The following FAM186A variants were observed in gnomAD, a reference collection of about 807,000 sequenced individuals.
FAM186A encodes family with sequence similarity 186 member A.
In FAM186A, 163 loss-of-function variants were observed where a neutral mutation model predicts 216.8. That is an observed-to-expected ratio of 0.75 (90% CI 0.66 to 0.86). The LOEUF is 0.86. FAM186A is among the 40% of genes least tolerant of loss of function. The pLI is 0.00. For synonymous variants in FAM186A, 805 were observed against 1,025.3 expected, an observed-to-expected ratio of 0.79 and a Z score of 4.10; for missense variants, 2,184 against 2,746.2, an observed-to-expected ratio of 0.80 and a Z score of 4.58.
chr12:50,370,320 C>A (rs1000681652), intron 1 of FAM186A, among the ~76,000 whole-genome samples: 1 of 151,280 alleles, frequency 6.6e-6, no homozygotes, highest in African/African-American at 2.4e-5. Flanking sequence ...AAAACAAAAA[C>A]AAAAACCCAA....
chr12:50,382,906 T>C (rs1943266095), intron 1 of FAM186A, among the ~76,000 whole-genome samples: 1 of 152,036 alleles, frequency 6.6e-6, no homozygotes, highest in Admixed American at 6.6e-5. Context: ...CCCTTTCTTT[T>C]AAGACTGCTG....
chr12:50,347,478 C>G lies in FAM186A; in HGVS notation c.6503+2851G>C, dbSNP rs376394816. Reference sequence around the variant, plus strand: ...GGGCGCGGTGGCTCACACCTGTAATCCCAGCACTTTGGGAGGCTGAGGCAG... The same window carrying G: ...GGGCGCGGTGGCTCACACCTGTAATGCCAGCACTTTGGGAGGCTGAGGCAG... On this transcript the variant is annotated intron_variant, in intron 4 of 7. Coordinates refer to ENST00000327337, the MANE Select transcript of FAM186A (RefSeq NM_001145475.3). 6.6e-5 allele frequency among the ~76,000 whole-genome samples: 10 copies of G among 152,108 alleles called. No homozygotes were observed. In the East Asian group the frequency reaches 1.9e-3, roughly 29 times the overall value.
chr12:50,345,570 A>G (rs1942803792), intron 4 of FAM186A, among the ~76,000 whole-genome samples: 1 of 152,184 alleles, frequency 6.6e-6, no homozygotes, highest in Non-Finnish European at 1.5e-5. Flanking sequence ...GCATATGGCC[A>G]GCCAGCTGTC....
chr12:50,386,004 C>T (rs1296960138), intron 1 of FAM186A, among the ~76,000 whole-genome samples: 2 of 151,918 alleles, frequency 1.3e-5, no homozygotes, highest in East Asian at 3.9e-4. Flanking sequence ...TCAAAGGATA[C>T]AATTTTTCAG....
At chr12:50,357,812 C>T (rs2136095382) in intron 3 of FAM186A, among the ~76,000 whole-genome samples, 1 of 152,238 alleles carries the variant, frequency 6.6e-6, no homozygotes, top group Admixed American at 6.5e-5. Context: ...GACAACTCTA[C>T]TGCCTACAGG....
Position 50,350,952 on chromosome 12 carries a change from AG to A in FAM186A, c.5879del (p.Ser1960PhefsTer3). On this transcript the variant is annotated frameshift_variant, in exon 4 of 8. Coordinates refer to ENST00000327337, the MANE Select transcript of FAM186A (RefSeq NM_001145475.3). LOFTEE classifies it high-confidence loss of function. ...TCAATACTGATTTAGATTTCAGAGA[AG>A]AAATAATTGCCAATCTTTTCTTAGC... is the stretch of plus-strand genomic sequence containing the variant. ...SVAKKRLAIISSLKSKSVLIH... is the reference protein window; with the variant it reads ...SVAKKRLAIIXSLKSKSVLIH... 6.4e-7 allele frequency: 1 copy of A among 1,551,446 alleles called. No individual in the cohort carries two copies. Among genetic ancestry groups the A allele is most frequent in the Non-Finnish European group, 8.7e-7 (1 of 1,146,918 alleles).
rs1225696524 is a variant in FAM186A at position 50,352,853 on chromosome 12, G to C, written c.3979C>G (p.Leu1327Val). ...PQQAQALGIP[L>V]TPQQAQTQEI... is the part of the protein sequence containing the mutation. ...TGAGTCTGCGCCTGCTGAGGGGTGA[G>C]AGGGATCCCCAGGGCCTGCGCCTGC... Residue 1327 changes from leucine to valine, a missense_variant, in exon 4 of 8, where the codon CTC becomes GTC. Around this residue, in one of 7 missense-constraint regions of FAM186A, gnomAD observed 267 missense variants for 446.2 expected, o/e 0.60. Coordinates refer to ENST00000327337, the MANE Select transcript of FAM186A (RefSeq NM_001145475.3). The C allele has an allele frequency of 7.1e-6, 11 of 1,544,290 alleles. No homozygotes were observed. Among genetic ancestry groups the C allele is most frequent in the Admixed American group, 2.0e-5 (1 of 50,138 alleles).
At chr12:50,372,994 G>GGAAGGAAAGAAAGAAA (rs1491450637) in intron 1 of FAM186A, among the ~76,000 whole-genome samples, 4 of 59,524 alleles carry the variant, frequency 6.7e-5, no homozygotes, top group African/African-American at 2.0e-4. Flanking sequence ...AAGGAAGGAA[G>GGAAGGAAAGAAAGAAA]GAATGAAAGA....
chr12:50,367,633 A>T (rs1445708501), intron 1 of FAM186A, among the ~76,000 whole-genome samples: 1 of 152,138 alleles, frequency 6.6e-6, no homozygotes, highest in Non-Finnish European at 1.5e-5. Context: ...CTACATATGT[A>T]GAAAACTCTA....
In FAM186A at chr12:50,353,569, G is replaced by A. The variant is rs1215200097; in HGVS notation, c.3263C>T (p.Thr1088Ile). Residue 1088 changes from threonine (T) to isoleucine (I), a missense_variant, in exon 4 of 8, where the codon ACT (threonine) becomes ATT (isoleucine). Around this residue, in one of 7 missense-constraint regions of FAM186A, gnomAD observed 1,132 missense variants for 1,263.4 expected, o/e 0.90. Coordinates refer to ENST00000327337, the MANE Select transcript of FAM186A (RefSeq NM_001145475.3). The stretch of plus-strand genomic sequence containing the variant: ...CCCCTGAGCCTGGGCCTGCTGAGGA[G>A]TGAGTGTGATCCCCACTTCCTGGGC... ...QQAQEVGITLTPQQAQAQGIT... is the reference protein window; with the variant it reads ...QQAQEVGITLIPQQAQAQGIT... 6.5e-7 allele frequency: 1 copy of A among 1,528,688 alleles called. No individual in the cohort carries two copies. The allele number at this position is 1,528,688 out of a possible 1,614,324, so 94.7% of individuals were successfully genotyped here.
intron 4 of FAM186A, among the ~76,000 whole-genome samples, chr12:50,337,257 C>G (rs567977708): frequency 8.2e-6 from 1 of 122,436 alleles, no homozygotes; most frequent in African/African-American, 3.1e-5. Context: ...AACTTAGGGA[C>G]TTTATTGTTG....
rs1321929417 is a variant in FAM186A, at chr12:50,331,752, C to T, written c.6766G>A (p.Ala2256Thr). 1.9e-6 allele frequency: 3 copies of T among 1,549,868 alleles called. No individual in the cohort carries two copies. In the South Asian group the frequency reaches 3.6e-5, roughly 19 times the overall value. Residue 2256 changes from alanine to threonine, a missense_variant, in exon 6 of 8, where the codon GCC becomes ACC. Coordinates refer to ENST00000327337, the MANE Select transcript of FAM186A (RefSeq NM_001145475.3). The stretch of plus-strand genomic sequence containing the variant: ...GGCTTTTGAACAAATGTGGTAGAGG[C>T]AGGTATCTGCTTTTCTTCGATGATT... Reference protein sequence around the residue: ...PLIIEEKQIPASTTFVQKPFL... With the variant: ...PLIIEEKQIPTSTTFVQKPFL...
intron 4 of FAM186A, among the ~76,000 whole-genome samples, chr12:50,349,901 C>G (rs138285047): frequency 1.4e-4 from 22 of 152,232 alleles, no homozygotes; most frequent in African/African-American, 5.1e-4. Context: ...ATCCACCTGC[C>G]TCAGCCTCCC....
At chr12:50,347,712 G>A (rs547344820) in intron 4 of FAM186A, among the ~76,000 whole-genome samples, 2 of 151,940 alleles carry the variant, frequency 1.3e-5, no homozygotes, top group South Asian at 4.2e-4. Flanking sequence ...ATAATAGGTT[G>A]GTAACTTCAA....
chr12:50,329,628 C>T (rs1381226894), intron 7 of FAM186A, among the ~76,000 whole-genome samples: 1 of 148,806 alleles, frequency 6.7e-6, no homozygotes, highest in Admixed American at 6.7e-5. Context: ...GACAGAGTCT[C>T]ACTCTATTGC....
In FAM186A at chr12:50,330,616, C is replaced by G; in HGVS notation, c.6991G>C (p.Val2331Leu). 6.4e-7 allele frequency: 1 copy of G among 1,550,842 alleles called. No homozygotes were observed. The highest frequency in any genetic ancestry group is 8.7e-7 in the Non-Finnish European group (1 of 1,146,630). ...AGAGATTTTCGGAAGGTAGACTGCA[C>G]TTCTAACTGAAGCAGCCTGGGAATA... is the stretch of plus-strand genomic sequence containing the variant. ...PDIPRLLQLE[V>L]QSTFRKSLAS... The change falls in exon 7 of 8, where the codon GTG (valine) becomes CTG (leucine). Residue 2331 changes from valine (V) to leucine (L), a missense_variant. Physicochemically the swap from Val to Leu is conservative, Grantham distance 32. Coordinates refer to ENST00000327337, the MANE Select transcript of FAM186A (RefSeq NM_001145475.3).
chr12:50,351,573 G>A lies in FAM186A; in HGVS notation c.5259C>T (p.Phe1753=), dbSNP rs779661116. ...TCTGCAAAGGAGTAGAAGAGACCCC[G>A]AATATAGAGGACTTCTCAGCAGTAG... ...SAPTAEKSSI[F]GVSSTPLQIS... The change falls in exon 4 of 8, where the codon TTC becomes TTT. Residue 1753 remains phenylalanine (F), a synonymous_variant. Coordinates refer to ENST00000327337, the MANE Select transcript of FAM186A (RefSeq NM_001145475.3). 15 of 1,550,326 alleles carry A rather than the reference G, an allele frequency of 9.7e-6. No individual in the cohort carries two copies. The highest frequency in any genetic ancestry group is 7.9e-5 in the Admixed American group (4 of 50,832).
chr12:50,394,065 G>A (rs1283369316), intron 1 of FAM186A, among the ~76,000 whole-genome samples: 1 of 151,792 alleles, frequency 6.6e-6, no homozygotes, highest in Non-Finnish European at 1.5e-5. Flanking sequence ...ACTCCAGGCA[G>A]GAGCCACCAC....
intron 2 of FAM186A, 92 bp from the exon 3 acceptor site, chr12:50,361,018 A>T: frequency 3.3e-6 from 3 of 910,070 alleles, no homozygotes; most frequent in Non-Finnish European, 4.7e-6. Context: ...TACTCAATAC[A>T]GTAATATTGG....
Sources: gnomAD v4.1 joint callset for allele counts (sites outside exome capture counted in the v4.1 genomes callset) on GRCh38, gnomAD v4.1.1 for gene constraint, gnomAD v4.1.1 regional missense constraint, MANE v1.5 for transcripts, NCBI Gene and HGNC (gene_info 2026-07-23, HGNC 2026-07-21) for gene names.